SORCS3: variants seen among roughly 807,000 people sequenced by gnomAD.
SORCS3 encodes the protein sortilin related VPS10 domain containing receptor 3, also known as VPS10 domain-containing receptor SorCS3.
In SORCS3, 57 loss-of-function variants were observed where a neutral mutation model predicts 146.3. The ratio of observed to expected loss-of-function variants is 0.39; its 90% CI spans 0.31 to 0.49. The LOEUF (loss-of-function observed/expected upper bound fraction) is 0.49. Among genes scored for constraint, SORCS3 ranks in the 20% least tolerant of loss-of-function variants. The pLI, the probability that SORCS3 is intolerant of heterozygous loss-of-function variation, is 0.92. For missense variants in SORCS3, 1,341 were observed against 1,575.5 expected (o/e 0.85, Z 2.52); for synonymous variants, 653 against 618.5 (o/e 1.06, Z -0.83).
At chr10:105,243,555 T>C (rs989386177) in intron 20 of SORCS3, among the ~76,000 whole-genome samples, 12 of 152,264 alleles carry the variant, frequency 7.9e-5, no homozygotes, top group Non-Finnish European at 1.5e-4. Context: ...TTACACCTCA[T>C]TTATCGATTA....
At chr10:104,876,485 A>G (rs1317155930) in intron 2 of SORCS3, among the ~76,000 whole-genome samples, 1 of 152,172 alleles carries the variant, frequency 6.6e-6, no homozygotes, top group African/African-American at 2.4e-5. Flanking sequence ...AATATCAAAG[A>G]CCCAGAAAAG....
At chr10:105,244,611 A>G (rs2056854987) in intron 20 of SORCS3, among the ~76,000 whole-genome samples, 1 of 152,182 alleles carries the variant, frequency 6.6e-6, no homozygotes. Context: ...TTGGGGGAAA[A>G]ACAGAAAGAA....
At chr10:104,940,753 GA>G (rs990290380) in intron 3 of SORCS3, among the ~76,000 whole-genome samples, 43 of 152,182 alleles carry the variant, frequency 2.8e-4, no homozygotes, top group African/African-American at 9.9e-4. Context: ...CAAACAAATG[GA>G]AGAACATTCC....
intron 4 of SORCS3, among the ~76,000 whole-genome samples, chr10:105,036,915 A>G (rs1434521968): frequency 2.6e-5 from 4 of 152,192 alleles, no homozygotes; most frequent in Non-Finnish European, 5.9e-5. Flanking sequence ...GTTTTGAGTA[A>G]AGAATCAGCA....
chr10:105,010,823 G>A (rs75256815), intron 4 of SORCS3, among the ~76,000 whole-genome samples: 2,986 of 152,036 alleles, frequency 0.02, 105 homozygotes, highest in East Asian at 0.16. Context: ...CCAGGGAGAC[G>A]CTCAGGGTTA....
chr10:104,718,505 C>T (rs1186294278), intron 1 of SORCS3, among the ~76,000 whole-genome samples: 4 of 152,254 alleles, frequency 2.6e-5, no homozygotes, highest in Admixed American at 1.3e-4. Flanking sequence ...TTGGGAGACA[C>T]GTTCAAACTG....
chr10:104,765,772 T>G (rs960938567), intron 1 of SORCS3, among the ~76,000 whole-genome samples: 1 of 152,216 alleles, frequency 6.6e-6, no homozygotes, highest in Non-Finnish European at 1.5e-5. Flanking sequence ...CTCATTTAAT[T>G]TTTTTAATAA....
intron 4 of SORCS3, among the ~76,000 whole-genome samples, chr10:105,026,305 C>T (rs936574684): frequency 2.6e-5 from 4 of 152,204 alleles, no homozygotes; most frequent in East Asian, 1.9e-4. Context: ...CTAGACTCGC[C>T]GCTCCACTCT....
chr10:105,247,674 G>C (rs1045663162), intron 22 of SORCS3, among the ~76,000 whole-genome samples: 2 of 152,138 alleles, frequency 1.3e-5, no homozygotes, highest in African/African-American at 4.8e-5. Flanking sequence ...CTTGAACCGG[G>C]GAGGTAGATG....
intron 1 of SORCS3, among the ~76,000 whole-genome samples, chr10:104,661,801 C>G (rs2015705816): frequency 2.0e-5 from 3 of 152,010 alleles, no homozygotes. Context: ...CGATGATGAA[C>G]AAGAAACAGT....
chr10:104,928,733 A>G (rs1291848242), intron 3 of SORCS3, among the ~76,000 whole-genome samples: 1 of 152,132 alleles, frequency 6.6e-6, no homozygotes, highest in Non-Finnish European at 1.5e-5. Context: ...GGTGGGTTTG[A>G]AGCCAGCAAG....
intron 1 of SORCS3, among the ~76,000 whole-genome samples, chr10:104,666,971 T>G (rs1589451604): frequency 6.6e-6 from 1 of 152,010 alleles, no homozygotes; most frequent in East Asian, 1.9e-4. Flanking sequence ...ATGTAAACTG[T>G]GTTCTCATGC....
At chr10:105,147,372 T>G (rs1411006509) in intron 8 of SORCS3, among the ~76,000 whole-genome samples, 1 of 152,094 alleles carries the variant, frequency 6.6e-6, no homozygotes, top group African/African-American at 2.4e-5. Context: ...AGTAGATGAA[T>G]CCTTGAAAGC....
chr10:104,798,348 C>G (rs1008541530), intron 1 of SORCS3, among the ~76,000 whole-genome samples: 2 of 152,150 alleles, frequency 1.3e-5, no homozygotes, highest in Admixed American at 1.3e-4. Flanking sequence ...TGGTAACATT[C>G]ATGTAAGAAA....
intron 1 of SORCS3, among the ~76,000 whole-genome samples, chr10:104,788,892 G>A (rs1055637576): frequency 1.3e-5 from 2 of 152,162 alleles, no homozygotes; most frequent in South Asian, 2.1e-4. Context: ...GATGAATTGA[G>A]TACATTATGG....
intron 1 of SORCS3, among the ~76,000 whole-genome samples, chr10:104,785,407 A>G (rs1386850694): frequency 7.1e-6 from 1 of 140,400 alleles, no homozygotes; most frequent in African/African-American, 2.7e-5. Flanking sequence ...AGTCATCACC[A>G]ATCCCTAATC....
chr10:105,150,602 C>G (rs150114138), intron 9 of SORCS3, among the ~76,000 whole-genome samples: 1 of 152,132 alleles, frequency 6.6e-6, no homozygotes, highest in South Asian at 2.1e-4. Context: ...AGAAAGTAAG[C>G]TAGCCAGGCT....
intron 3 of SORCS3, among the ~76,000 whole-genome samples, chr10:104,921,475 A>G (rs1389667653): frequency 6.6e-6 from 1 of 150,546 alleles, no homozygotes; most frequent in Non-Finnish European, 1.5e-5. Flanking sequence ...TACTATAGTT[A>G]GAGGTACATG....
chr10:105,151,944 G>A (rs1442529016), intron 9 of SORCS3, among the ~76,000 whole-genome samples: 1 of 152,098 alleles, frequency 6.6e-6, no homozygotes, highest in Non-Finnish European at 1.5e-5. Flanking sequence ...AAACAAGGCT[G>A]GTATTGACAG....
Sources: gnomAD v4.1 joint callset for allele counts (sites outside exome capture counted in the v4.1 genomes callset) on GRCh38, gnomAD v4.1.1 for gene constraint, MANE v1.5 for transcripts, NCBI Gene and HGNC (gene_info 2026-07-23, HGNC 2026-07-21) for gene names.